ASAP1: variants seen among roughly 807,000 people sequenced by gnomAD.
ASAP1 encodes the protein arf-GAP with SH3 domain, ANK repeat and PH domain-containing protein 1.
In ASAP1, 43 loss-of-function variants were observed where a neutral mutation model predicts 145.2. The ratio of observed to expected loss-of-function variants is 0.30; its 90% confidence interval spans 0.23 to 0.38. ASAP1 has a LOEUF of 0.38. Among genes scored for constraint, ASAP1 ranks in the 10% least tolerant of loss-of-function variants. The pLI is 1.00. For synonymous variants in ASAP1, 546 were observed against 515.5 expected, an observed-to-expected ratio of 1.06 and a Z score of -0.80; for missense variants, 1,018 against 1,355.3, an observed-to-expected ratio of 0.75 and a Z score of 3.91.
At chr8:130,094,487 C>T (rs1018327005) in intron 24 of ASAP1, among the ~76,000 whole-genome samples, 4 of 151,872 alleles carry the variant, frequency 2.6e-5, no homozygotes, top group South Asian at 2.1e-4. Flanking sequence ...GAATTATAGG[C>T]GTGAGTCACC....
chr8:130,107,183 CTTT>C (rs34978580), intron 24 of ASAP1, among the ~76,000 whole-genome samples: 1,856 of 119,652 alleles, frequency 0.016, 79 homozygotes, highest in Admixed American at 0.1. Context: ...TCTTCTTCTT[CTTT>C]TTTTTTTTTT....
In ASAP1 at chr8:130,054,638, G is replaced by GT. The variant is rs2097399674; in HGVS notation, c.*92dup. 11 of 1,088,910 alleles carry GT rather than the reference G, an allele frequency of 1.0e-5. No homozygotes were observed. In the South Asian group the frequency reaches 1.3e-4, roughly 13 times the overall value. The allele number at this position is 1,088,910 out of a possible 1,614,324, so 67.5% of individuals were successfully genotyped here. Reference sequence around the variant, plus strand: ...GGCCCTTCCATGAGTTTCTTACTCTGTAACAGCAGCTATATACACACTGTG... The same window carrying GT: ...GGCCCTTCCATGAGTTTCTTACTCTGTTAACAGCAGCTATATACACACTGTG... On this transcript the variant is annotated 3_prime_UTR_variant, in exon 30 of 30. Coordinates refer to ENST00000518721, the MANE Select transcript of ASAP1 (RefSeq NM_018482.4).
At chr8:130,441,394 A>T (rs1283984824) in intron 1 of ASAP1, among the ~76,000 whole-genome samples, 1 of 152,188 alleles carries the variant, frequency 6.6e-6, no homozygotes, top group East Asian at 1.9e-4. Context: ...TCACGTGGGG[A>T]TCACTCATGC....
intron 23 of ASAP1, among the ~76,000 whole-genome samples, chr8:130,114,017 A>T (rs1269342563): frequency 6.6e-6 from 1 of 152,144 alleles, no homozygotes; most frequent in Non-Finnish European, 1.5e-5. Context: ...TCTGGGCTCA[A>T]GGCATCCACC....
intron 27 of ASAP1, among the ~76,000 whole-genome samples, chr8:130,068,872 T>G (rs1338764542): frequency 6.6e-6 from 1 of 152,186 alleles, no homozygotes; most frequent in East Asian, 1.9e-4. Context: ...AAATGTGTGG[T>G]TAAGAGGGCC....
At chr8:130,130,333 T>C (rs2097581132) in intron 15 of ASAP1, among the ~76,000 whole-genome samples, 1 of 152,192 alleles carries the variant, frequency 6.6e-6, no homozygotes. Flanking sequence ...GAAAACACTT[T>C]TGTTGACTCA....
intron 4 of ASAP1, among the ~76,000 whole-genome samples, chr8:130,215,011 C>T (rs1816810896): frequency 6.6e-6 from 1 of 152,042 alleles, no homozygotes; most frequent in Admixed American, 6.5e-5. Flanking sequence ...AGTGATTCTC[C>T]TGCCTCAGCC....
At chr8:130,299,999 T>G (rs1481551702) in intron 3 of ASAP1, among the ~76,000 whole-genome samples, 1 of 151,888 alleles carries the variant, frequency 6.6e-6, no homozygotes, top group Non-Finnish European at 1.5e-5. Flanking sequence ...GGAAGTTAAT[T>G]AAACAAGGAG....
At position 130,052,123 on chromosome 8, in the gene ASAP1, A is replaced by G. The variant is rs1035668313; in HGVS notation, c.*2608T>C. 3 of 152,694 alleles carry G rather than the reference A, an allele frequency of 2.0e-5. No homozygotes were observed. The highest frequency in any genetic ancestry group is 4.8e-5 in the African/African-American group (2 of 41,468). 9.5% of individuals were successfully genotyped at this position (152,694 alleles called of 1,614,324 possible). ...CAGAAGTTTGGGATCAACTGAGAAT[A>G]TGTTTATTTAAAAGCAATTTTAAAT... is the stretch of plus-strand genomic sequence containing the variant. On this transcript the variant is annotated 3_prime_UTR_variant, in exon 30 of 30. Transcript: ENST00000518721.
chr8:130,104,647 C>T (rs910014622), intron 24 of ASAP1, among the ~76,000 whole-genome samples: 3 of 152,220 alleles, frequency 2.0e-5, no homozygotes, highest in Admixed American at 1.3e-4. Flanking sequence ...AGTATAAAAA[C>T]GGCCTTGCTG....
At chr8:130,066,806 C>T (rs868818451) in intron 27 of ASAP1, among the ~76,000 whole-genome samples, 1 of 152,206 alleles carries the variant, frequency 6.6e-6, no homozygotes, top group Admixed American at 6.5e-5. Context: ...AAGAGTCCCA[C>T]AGGTGTGCCC....
intron 18 of ASAP1, among the ~76,000 whole-genome samples, chr8:130,123,213 A>G (rs1343513570): frequency 6.6e-6 from 1 of 152,222 alleles, no homozygotes. Context: ...TGCTGAGTCA[A>G]AGGGTAAGTA....
intron 1 of ASAP1, among the ~76,000 whole-genome samples, chr8:130,422,071 A>G (rs1213070984): frequency 6.6e-6 from 1 of 152,212 alleles, no homozygotes; most frequent in South Asian, 2.1e-4. Flanking sequence ...TCTACCCAGA[A>G]TCAGGCTGGT....
chr8:130,142,948 T>C (rs1486039549), intron 13 of ASAP1, among the ~76,000 whole-genome samples: 4 of 151,948 alleles, frequency 2.6e-5, no homozygotes, highest in African/African-American at 9.7e-5. Flanking sequence ...AGATGAGCAA[T>C]GAAATGAGGA....
rs1314279798 is a variant in ASAP1, at chr8:130,124,067, A to G, written c.1553T>C (p.Ile518Thr). The G allele has an allele frequency of 1.9e-6, 3 of 1,608,156 alleles. No individual in the cohort carries two copies. The highest frequency in any genetic ancestry group is 1.1e-5 in the South Asian group (1 of 89,260). Residue 518 changes from isoleucine to threonine, a missense_variant, in exon 18 of 30, where the codon ATT (isoleucine) becomes ACT (threonine). Physicochemically the swap from Ile to Thr is moderately conservative, Grantham distance 89 (BLOSUM62 -1). This residue lies in a region of ASAP1 where 153 missense variants were observed against 221.6 expected (regional missense o/e 0.69). Transcript: ENST00000518721. ...KNVGNNSFND[I>T]MEANLPSPSP... ...GGGGCTGGGTAAATTTGCTTCCATA[A>G]TATCATTAAAACTATTGTTTCCTAC...
intron 5 of ASAP1, among the ~76,000 whole-genome samples, chr8:130,199,904 T>C (rs1815757746): frequency 6.6e-6 from 1 of 152,238 alleles, no homozygotes; most frequent in South Asian, 2.1e-4. Flanking sequence ...ATAATTCTTA[T>C]AACAATTCTC....
chr8:130,122,816 T>C (rs1361156627), intron 18 of ASAP1, among the ~76,000 whole-genome samples: 1 of 152,244 alleles, frequency 6.6e-6, no homozygotes, highest in Admixed American at 6.5e-5. Flanking sequence ...CAGGTGGCGC[T>C]GATGCTGCTT....
intron 3 of ASAP1, among the ~76,000 whole-genome samples, chr8:130,294,119 A>G (rs1194549746): frequency 6.6e-6 from 1 of 152,204 alleles, no homozygotes; most frequent in Non-Finnish European, 1.5e-5. Context: ...TGGCTGGTAT[A>G]CTAAGTCTTC....
At chr8:130,133,453 G>A (rs1000792388) in intron 15 of ASAP1, among the ~76,000 whole-genome samples, 1 of 151,486 alleles carries the variant, frequency 6.6e-6, no homozygotes, top group Non-Finnish European at 1.5e-5. Context: ...TCAGGAGATC[G>A]AGACCATCCT....
Sources: allele counts gnomAD v4.1 joint callset (sites outside exome capture counted in the v4.1 genomes callset), GRCh38; gene constraint gnomAD v4.1.1; regional missense constraint gnomAD v4.1.1; transcripts MANE v1.5; gene names NCBI Gene and HGNC (gene_info 2026-07-23, HGNC 2026-07-21).